DDX42: variants seen among roughly 807,000 people sequenced by gnomAD.
DDX42 encodes the protein ATP-dependent RNA helicase DDX42.
DDX42 carries 22 observed loss-of-function variants against 101.5 expected under a neutral mutation model. The ratio of observed to expected loss-of-function variants is 0.22; its 90% confidence interval spans 0.15 to 0.31. The LOEUF (loss-of-function observed/expected upper bound fraction) is 0.31. DDX42 is among the 10% of genes least tolerant of loss of function. The probability of loss-of-function intolerance (pLI) is 1.00; values close to 1 mark genes in which losing one functional copy is unlikely to be tolerated. For synonymous variants in DDX42, 402 were observed against 401.2 expected (o/e 1.00, Z -0.02); for missense variants, 849 against 1,199.9 (o/e 0.71, Z 4.32).
chr17:63,783,829 A>G (rs1008368020), intron 1 of DDX42, among the ~76,000 whole-genome samples: 4 of 152,094 alleles, frequency 2.6e-5, no homozygotes, highest in Admixed American at 2.6e-4. Context: ...TCGGGAGGCC[A>G]AGGTGGTTGG....
chr17:63,807,759 T>A lies in DDX42; in HGVS notation c.882T>A (p.Ile294=). The change falls in exon 9 of 18, where the codon ATT becomes ATA. Residue 294 remains isoleucine (I), a synonymous_variant. Transcript: ENST00000389924. The part of the protein sequence containing the change: ...VPVALSGRDM[I]GIAKTGSGKT... ...TGGCATTAAGTGGTAGAGACATGAT[T>A]GGTATTGCCAAAACAGGTAGTGGGA... 1 of 1,614,038 alleles carries A rather than the reference T, an allele frequency of 6.2e-7. No homozygotes were observed. Among genetic ancestry groups the A allele is most frequent in the Non-Finnish European group, 8.5e-7 (1 of 1,179,978 alleles).
chr17:63,777,699 C>T (rs566776694), intron 1 of DDX42, among the ~76,000 whole-genome samples: 187 of 151,460 alleles, frequency 1.2e-3, no homozygotes, highest in Middle Eastern at 7.0e-3. Context: ...CCACCCGTCT[C>T]GGCCTCCCAA....
Position 63,799,641 on chromosome 17 carries a change from G to C in DDX42, c.471+16G>C. The C allele has an allele frequency of 6.2e-7, 1 of 1,610,230 alleles. No homozygotes were observed. Among genetic ancestry groups the C allele is most frequent in the South Asian group, 1.1e-5 (1 of 90,578 alleles). ...AGATGACCAAGTGAGTTCCTATGCA[G>C]TATTTCTATCTTTTATTTTTATCCA... is the stretch of plus-strand genomic sequence containing the variant. On this transcript the variant is annotated intron_variant, in intron 5 of 17. Coordinates refer to ENST00000389924, the MANE Select transcript of DDX42 (RefSeq NM_203499.3).
At chr17:63,800,756 C>A in intron 6 of DDX42, 139 bp downstream of exon 6, 2 of 991,692 alleles carry the variant, frequency 2.0e-6, no homozygotes, top group Non-Finnish European at 2.8e-6. Flanking sequence ...AGTGGTTGAG[C>A]CACAAATTCC....
intron 15 of DDX42, among the ~76,000 whole-genome samples, chr17:63,813,708 GCA>G (rs966564282): frequency 1.2e-4 from 18 of 152,234 alleles, no homozygotes; most frequent in Admixed American, 9.2e-4. Flanking sequence ...CTACCCCATA[GCA>G]CACTTAGGAG....
At chr17:63,817,613 A>T in intron 17 of DDX42, 81 bp from the exon 18 acceptor site, 2 of 1,362,810 alleles carry the variant, frequency 1.5e-6, no homozygotes, top group Non-Finnish European at 1.0e-6. Context: ...GTTTCTGTAA[A>T]CCTCATCATT....
chr17:63,775,641 G>GA (rs1337449374), intron 1 of DDX42, among the ~76,000 whole-genome samples: 2 of 152,148 alleles, frequency 1.3e-5, no homozygotes, highest in Admixed American at 6.6e-5. Context: ...AAGCCTTGAG[G>GA]AGGACAAAGC....
intron 1 of DDX42, among the ~76,000 whole-genome samples, chr17:63,784,916 T>G (rs192075841): frequency 1.6e-4 from 25 of 152,244 alleles, no homozygotes; most frequent in Admixed American, 6.5e-5. Context: ...ACCAGTATTA[T>G]ACTGTCAAGT....
At chr17:63,800,035 T>C (rs1268933366) in intron 5 of DDX42, 1 of 216,752 alleles carries the variant, frequency 4.6e-6, no homozygotes, top group Non-Finnish European at 9.1e-6. Flanking sequence ...TACTGTCCAT[T>C]AGTCTCTTTT....
intron 1 of DDX42, among the ~76,000 whole-genome samples, chr17:63,786,331 C>T (rs1784243779): frequency 6.6e-6 from 1 of 152,116 alleles, no homozygotes; most frequent in Non-Finnish European, 1.5e-5. Flanking sequence ...ACACTGTAAC[C>T]TTGAACTCCT....
At chr17:63,795,098 C>T (rs1188483488) in intron 3 of DDX42, among the ~76,000 whole-genome samples, 1 of 151,954 alleles carries the variant, frequency 6.6e-6, no homozygotes, top group Non-Finnish European at 1.5e-5. Context: ...CTAGACATTG[C>T]TTTTTTAAAA....
intron 1 of DDX42, among the ~76,000 whole-genome samples, chr17:63,777,180 A>T (rs1199090798): frequency 6.6e-6 from 1 of 152,170 alleles, no homozygotes; most frequent in Non-Finnish European, 1.5e-5. Context: ...AAGGGCGAGG[A>T]TTACAGGTGT....
chr17:63,782,869 C>T (rs2039504994), intron 1 of DDX42, among the ~76,000 whole-genome samples: 1 of 152,122 alleles, frequency 6.6e-6, no homozygotes, highest in South Asian at 2.1e-4. Context: ...TATGGTACGT[C>T]GTTAGCATAG....
At chr17:63,811,706 C>G (rs774124517) in intron 13 of DDX42, 3 of 618,320 alleles carry the variant, frequency 4.9e-6, no homozygotes, top group African/African-American at 3.7e-5. Context: ...AAGGAAAGCT[C>G]TACAAAGTAG....
intron 1 of DDX42, among the ~76,000 whole-genome samples, chr17:63,779,159 T>A (rs1169770724): frequency 6.6e-6 from 1 of 152,262 alleles, no homozygotes; most frequent in African/African-American, 2.4e-5. Context: ...GGTTCTTTTT[T>A]AAATTTTTAT....
chr17:63,776,351 CA>C (rs1182243200), intron 1 of DDX42: 1 of 152,418 alleles, frequency 6.6e-6, no homozygotes, highest in Non-Finnish European at 1.5e-5. Context: ...ACCCAGCTTT[CA>C]TCTTTCTGTG....
chr17:63,812,289 T>C, intron 14 of DDX42, 81 bp downstream of exon 14: 1 of 1,497,066 alleles, frequency 6.7e-7, no homozygotes, highest in African/African-American at 1.4e-5. Context: ...CTATAATATC[T>C]GAGCAGGCTG....
chr17:63,783,231 A>G (rs1055985208), intron 1 of DDX42, among the ~76,000 whole-genome samples: 2 of 152,180 alleles, frequency 1.3e-5, no homozygotes, highest in East Asian at 1.9e-4. Context: ...TGTATCTTTC[A>G]TGTATGAATG....
At chr17:63,794,643 A>C (rs1038790326) in intron 3 of DDX42, among the ~76,000 whole-genome samples, 3 of 152,010 alleles carry the variant, frequency 2.0e-5, no homozygotes, top group Non-Finnish European at 2.9e-5. Context: ...TATAAAAAAA[A>C]AAAAAAATTT....
Sources: gnomAD v4.1 joint callset for allele counts (sites outside exome capture counted in the v4.1 genomes callset) on GRCh38, gnomAD v4.1.1 for gene constraint, MANE v1.5 for transcripts, NCBI Gene and HGNC (gene_info 2026-07-23, HGNC 2026-07-21) for gene names.